The following ANKLE1 variants were observed in gnomAD, a reference collection of about 807,000 sequenced individuals.
ANKLE1 encodes structure-specific endonuclease ANKLE1.
In ANKLE1, 59 loss-of-function variants were observed where a neutral mutation model predicts 56.2. The observed-to-expected ratio is 1.05, with a 90% CI of 0.85 to 1.30. The LOEUF is 1.30. ANKLE1 is among the 50% of genes most tolerant of loss of function. The pLI is 0.00. For synonymous variants in ANKLE1, 341 were observed against 352.9 expected (o/e 0.97, Z 0.38); for missense variants, 771 against 816.1 (o/e 0.94, Z 0.67).
rs763405435 is a variant in ANKLE1 at position 17,285,445 on chromosome 19, T to C, written c.1391T>C (p.Leu464Pro). The C allele has an allele frequency of 1.2e-6, 2 of 1,613,798 alleles. No homozygotes were observed. The highest frequency in any genetic ancestry group is 1.7e-6 in the Non-Finnish European group (2 of 1,179,868). Residue 464 changes from leucine (L) to proline (P), a missense_variant, in exon 7 of 9, where the codon CTG becomes CCG. Transcript: ENST00000404085. ...LLLDPRETQD[L>P]PARAFSLTPA... The stretch of plus-strand genomic sequence containing the variant: ...CCTTCATCCAGGGAGACTCAGGACC[T>C]GCCAGCCCGAGCCTTCTCACTGACC...
rs749072179 is a variant in ANKLE1 at position 17,284,206 on chromosome 19, C to T, written c.1316C>T (p.Ala439Val). ...CAGCAGTTTGAGCAGCCAGATCCTG[C>T]CAGGAGGTGGCGGGAGGGGGTCGTG... ...LAQQFEQPDPARRWREGVVKS... is the reference protein window; with the variant it reads ...LAQQFEQPDPVRRWREGVVKS... The change falls in exon 6 of 9, where the codon GCC (alanine) becomes GTC (valine). Residue 439 changes from alanine to valine, a missense_variant. Physicochemically the swap from Ala to Val is moderately conservative, Grantham distance 64 (BLOSUM62 0). Coordinates refer to ENST00000404085, the MANE Select transcript of ANKLE1 (RefSeq NM_152363.6). 6.2e-7 allele frequency: 1 copy of T among 1,613,814 alleles called. No homozygotes were observed. The highest frequency in any genetic ancestry group is 8.5e-7 in the Non-Finnish European group (1 of 1,179,864).
In ANKLE1 at chr19:17,286,807, T is replaced by C; in HGVS notation, c.*255T>C. ...GTAGTAAGTAGTGAGCTCCCCATCG[T>C]GGGAGGAGGACAAGAAGGGAAGCAG... On this transcript the variant is annotated 3_prime_UTR_variant, in exon 9 of 9. Transcript: ENST00000404085. 1.5e-6 allele frequency: 2 copies of C among 1,337,462 alleles called. No homozygotes were observed. Among genetic ancestry groups the C allele is most frequent in the Non-Finnish European group, 1.9e-6 (2 of 1,039,722 alleles). The allele number at this position is 1,337,462 out of a possible 1,614,324, so 82.8% of individuals were successfully genotyped here.
At chr19:17,283,036 C>A in intron 4 of ANKLE1, 34 bp downstream of exon 4, 2 of 1,547,374 alleles carry the variant, frequency 1.3e-6, no homozygotes, top group African/African-American at 2.7e-5. Flanking sequence ...TGGGGCTTGA[C>A]TTCTGGACCA....
intron 8 of ANKLE1, among the ~76,000 whole-genome samples, chr19:17,286,045 G>A (rs1247445745): frequency 6.6e-6 from 1 of 152,138 alleles, no homozygotes; most frequent in African/African-American, 2.4e-5. Flanking sequence ...GTGAGACTCT[G>A]TCGCCCAGGC....
chr19:17,283,271 A>ACCCC lies in ANKLE1; in HGVS notation c.508_509insCCCC (p.Leu170ProfsTer10). The ACCCC allele has an allele frequency of 6.2e-7, 1 of 1,613,176 alleles. No individual in the cohort carries two copies. Among genetic ancestry groups the ACCCC allele is most frequent in the Non-Finnish European group, 8.5e-7 (1 of 1,179,786 alleles). ...CCGATGAGACGCTGGACTCCATAGC[A>ACCCC]CTCCAAAAGCAGCCATGCAGAGGTG... On this transcript the variant is annotated frameshift_variant, in exon 5 of 9. Coordinates refer to ENST00000404085, the MANE Select transcript of ANKLE1 (RefSeq NM_152363.6). LOFTEE classifies it high-confidence loss of function.
Position 17,282,720 on chromosome 19 carries a change from C to G in ANKLE1, c.280C>G (p.Leu94Val). ...AAWGCRRGLE[L>V]LLSQGADPAL... ...GTGGGGCTGCCGCCGCGGCCTGGAG[C>G]TGCTGCTGAGCCAAGGAGCGGACCC... Residue 94 changes from leucine to valine, a missense_variant, in exon 3 of 9, where the codon CTG (leucine) becomes GTG (valine). Coordinates refer to ENST00000404085, the MANE Select transcript of ANKLE1 (RefSeq NM_152363.6). 1 of 1,539,522 alleles carries G rather than the reference C, an allele frequency of 6.5e-7. No homozygotes were observed. Among genetic ancestry groups the G allele is most frequent in the Non-Finnish European group, 8.7e-7 (1 of 1,148,994 alleles).
Position 17,283,691 on chromosome 19 carries a change from A to G in ANKLE1, c.927A>G (p.Thr309=). Residue 309 remains threonine (T), a synonymous_variant, in exon 5 of 9, where the codon ACA becomes ACG. Transcript: ENST00000404085. ...GTCCAGCTCATAGCCCCCCACGGAC[A>G]CCAACCCCTGGAGCTTCTGACTGCC... is the stretch of plus-strand genomic sequence containing the variant. ...DRSPAHSPPR[T]PTPGASDCHC... is the part of the protein sequence containing the mutation. 6.2e-7 allele frequency: 1 copy of G among 1,613,384 alleles called. No individual in the cohort carries two copies. The highest frequency in any genetic ancestry group is 1.1e-5 in the South Asian group (1 of 91,064).
chr19:17,283,894 C>T lies in ANKLE1; in HGVS notation c.1130C>T (p.Pro377Leu). The change falls in exon 5 of 9, where the codon CCT (proline) becomes CTT (leucine). Residue 377 changes from proline (P) to leucine (L), a missense_variant. Physicochemically the swap from Pro to Leu is moderately conservative, Grantham distance 98. Coordinates refer to ENST00000404085, the MANE Select transcript of ANKLE1 (RefSeq NM_152363.6). ...LKGLRALGEN[P>L]HPITPFTRQL... ...GGACTCCGAGCACTTGGTGAGAATC[C>T]TCACCCCATCACACCCTTCACCAGG... 6.2e-7 allele frequency: 1 copy of T among 1,613,536 alleles called. No homozygotes were observed. The highest frequency in any genetic ancestry group is 8.5e-7 in the Non-Finnish European group (1 of 1,179,842).
rs943427413 is a variant in ANKLE1, at chr19:17,287,456, C to G, written c.*904C>G. 2 of 151,500 alleles carry G rather than the reference C, an allele frequency of 1.3e-5. No homozygotes were observed. The highest frequency in any genetic ancestry group is 4.9e-5 in the African/African-American group (2 of 40,990). The allele number at this position is 151,500 out of a possible 1,614,324, so 9.4% of individuals were successfully genotyped here. On this transcript the variant is annotated 3_prime_UTR_variant, in exon 9 of 9. Coordinates refer to ENST00000404085, the MANE Select transcript of ANKLE1 (RefSeq NM_152363.6). ...AAACAAACAAACAAAAAAACAAATG[C>G]CACATCAACATCAGGACGTTAACCT...
intron 6 of ANKLE1, 26 bp from the exon 7 acceptor site, chr19:17,285,405 C>G (rs979078408): frequency 1.2e-6 from 2 of 1,612,658 alleles, no homozygotes; most frequent in South Asian, 2.2e-5. Flanking sequence ...CCACTTTTCC[C>G]TGTCTGAGCT....
intron 6 of ANKLE1, among the ~76,000 whole-genome samples, chr19:17,285,035 G>A (rs1382285488): frequency 4.6e-5 from 7 of 151,798 alleles, no homozygotes; most frequent in South Asian, 2.1e-4. Flanking sequence ...TGAGGTGGGC[G>A]GATCACCTGA....
In ANKLE1 at chr19:17,286,692, T is replaced by TGTGTG. The variant is rs2074038623; in HGVS notation, c.*140_*141insGTGTG. 1.3e-5 allele frequency: 12 copies of TGTGTG among 943,164 alleles called. No individual in the cohort carries two copies. In the East Asian group the frequency reaches 2.4e-4, roughly 19 times the overall value. 58.4% of individuals were successfully genotyped at this position (943,164 alleles called of 1,614,324 possible). A position where few individuals can be genotyped will look rare whatever the true frequency, so the allele number is the denominator to read the frequency against. ...TGTGTGTGTGTGTGTGTGTGTGTGT[T>TGTGTG]TGTGTGTGTGTGTGTGTGTGTAGGG... On this transcript the variant is annotated 3_prime_UTR_variant, in exon 9 of 9. Transcript: ENST00000404085.
intron 6 of ANKLE1, 65 bp downstream of exon 6, chr19:17,284,331 T>C (rs2074009114): frequency 1.3e-6 from 2 of 1,520,192 alleles, no homozygotes; most frequent in Admixed American, 1.8e-5. Flanking sequence ...TTTTATTTGC[T>C]GTGTGCCCTT....
rs369525631 is a variant in ANKLE1 at position 17,283,825 on chromosome 19, G to A, written c.1061G>A (p.Arg354Gln). ...TGGREPVGPC[R>Q]HLPVSTVSDL... The stretch of plus-strand genomic sequence containing the variant: ...GGCAGGGAACCTGTCGGCCCTTGCC[G>A]GCACCTGCCAGTCTCCACTGTGTCT... The change falls in exon 5 of 9, where the codon CGG becomes CAG. Residue 354 changes from arginine (R) to glutamine (Q), a missense_variant. Coordinates refer to ENST00000404085, the MANE Select transcript of ANKLE1 (RefSeq NM_152363.6). The A allele has an allele frequency of 1.3e-4, 212 of 1,613,130 alleles. No individual in the cohort carries two copies. The highest frequency in any genetic ancestry group is 1.7e-4 in the Non-Finnish European group (196 of 1,179,902).
At chr19:17,282,357 C>T in intron 2 of ANKLE1, 148 bp downstream of exon 2, 1 of 1,255,698 alleles carries the variant, frequency 8.0e-7, no homozygotes, top group South Asian at 1.6e-5. Context: ...GGTCCAAGGG[C>T]AGGGGCTAGG....
At chr19:17,284,033 C>T in intron 5 of ANKLE1, 56 bp from the exon 6 acceptor site, 2 of 1,603,716 alleles carry the variant, frequency 1.2e-6, no homozygotes, top group Admixed American at 1.7e-5. Flanking sequence ...AGCTCTCAGC[C>T]CCACTTTCCT....
Position 17,281,993 on chromosome 19 carries a change from G to C in ANKLE1, c.62+11G>C, listed in dbSNP as rs1462964147. 2.0e-6 allele frequency: 3 copies of C among 1,534,736 alleles called. No homozygotes were observed. In the East Asian group the frequency reaches 7.3e-5, roughly 38 times the overall value. On this transcript the variant is annotated intron_variant, in intron 1 of 8. Transcript: ENST00000404085. ...GGAGGAGGAGCCGTGGTGAGGGCGGGGCCGGGGGCGGGCCAGGAGTGGGGG... is the reference window on the plus strand; with the variant it reads ...GGAGGAGGAGCCGTGGTGAGGGCGGCGCCGGGGGCGGGCCAGGAGTGGGGG...
chr19:17,282,418 G>C, intron 2 of ANKLE1: 3 of 873,846 alleles, frequency 3.4e-6, no homozygotes, highest in Non-Finnish European at 5.2e-6. Flanking sequence ...ATGGGGCTGC[G>C]CTAGGACCAA....
chr19:17,283,440 G>C lies in ANKLE1; in HGVS notation c.676G>C (p.Glu226Gln). ...SSDASFVTAV[E>Q]VSGAEDPASD... ...AGACGCCTCTTTCGTCACAGCGGTT[G>C]AGGTCTCTGGAGCTGAGGACCCAGC... The change falls in exon 5 of 9, where the codon GAG (glutamate) becomes CAG (glutamine). Residue 226 changes from glutamate (E) to glutamine (Q), a missense_variant. Coordinates refer to ENST00000404085, the MANE Select transcript of ANKLE1 (RefSeq NM_152363.6). The C allele has an allele frequency of 1.9e-6, 3 of 1,613,478 alleles. No homozygotes were observed. The highest frequency in any genetic ancestry group is 2.5e-6 in the Non-Finnish European group (3 of 1,179,804).
Sources: allele counts gnomAD v4.1 joint callset (sites outside exome capture counted in the v4.1 genomes callset), GRCh38; gene constraint gnomAD v4.1.1; transcripts MANE v1.5; gene names NCBI Gene and HGNC (gene_info 2026-07-23, HGNC 2026-07-21).